Variants in WASF3 observed in about 807,000 individuals in gnomAD.
WASF3 encodes the protein actin-binding protein WASF3.
In WASF3, 11 loss-of-function variants were observed where a neutral mutation model predicts 46.6. That is an observed-to-expected ratio of 0.24 (90% CI 0.15 to 0.39). The LOEUF is 0.39. Ranked by LOEUF, WASF3 falls within the 10% of genes least tolerant of loss-of-function variation. The pLI is 1.00. For missense variants in WASF3, 576 were observed against 669.8 expected (o/e 0.86, Z 1.55); for synonymous variants, 242 against 259.7 (o/e 0.93, Z 0.65).
chr13:26,566,428 A>G (rs1031201917), intron 1 of WASF3, among the ~76,000 whole-genome samples: 6 of 152,258 alleles, frequency 3.9e-5, no homozygotes, highest in Non-Finnish European at 7.3e-5. Context: ...AAATGAATAC[A>G]TCAAAACCTG....
chr13:26,633,223 G>T (rs1350885554), intron 2 of WASF3, among the ~76,000 whole-genome samples: 17 of 20,502 alleles, frequency 8.3e-4, no homozygotes, highest in African/African-American at 2.2e-3. Context: ...TTTTCTTGAG[G>T]CAGAGTTTTG....
chr13:26,672,897 G>A (rs577624616), intron 6 of WASF3, among the ~76,000 whole-genome samples: 2 of 152,312 alleles, frequency 1.3e-5, no homozygotes, highest in African/African-American at 4.8e-5. Context: ...AGACTGTGCT[G>A]TTGTAAGACA....
In WASF3 at chr13:26,670,417, G is replaced by A. The variant is rs547123467; in HGVS notation, c.423-1455G>A. 5.3e-5 allele frequency among the ~76,000 whole-genome samples: 8 copies of A among 151,890 alleles called. No individual in the cohort carries two copies. In the South Asian group the frequency reaches 1.3e-3, roughly 24 times the overall value. ...ATGTAGATGACAGGTTGATGGGTGCGGCAAACCACCATGGCACATATACCT... is the reference window on the plus strand; with the variant it reads ...ATGTAGATGACAGGTTGATGGGTGCAGCAAACCACCATGGCACATATACCT... On this transcript the variant is annotated intron_variant, in intron 5 of 9. Transcript: ENST00000335327.
At chr13:26,563,522 G>A (rs997380329) in intron 1 of WASF3, among the ~76,000 whole-genome samples, 18 of 151,990 alleles carry the variant, frequency 1.2e-4, no homozygotes, top group African/African-American at 3.9e-4. Flanking sequence ...AGTTGTAGTG[G>A]CACACACCTG....
chr13:26,633,401 T>A (rs1881719356), intron 2 of WASF3, among the ~76,000 whole-genome samples: 1 of 151,982 alleles, frequency 6.6e-6, no homozygotes, highest in South Asian at 2.1e-4. Flanking sequence ...GTGGGGTTTC[T>A]CCATGTTGGT....
At chr13:26,563,732 T>G (rs984557638) in intron 1 of WASF3, among the ~76,000 whole-genome samples, 1 of 150,442 alleles carries the variant, frequency 6.6e-6, no homozygotes, top group East Asian at 1.9e-4. Flanking sequence ...CCAAAGATGC[T>G]TCTGTTTCTT....
intron 1 of WASF3, among the ~76,000 whole-genome samples, chr13:26,567,532 G>T (rs1422707848): frequency 6.6e-6 from 1 of 152,150 alleles, no homozygotes; most frequent in African/African-American, 2.4e-5. Context: ...AGGCAGAGCT[G>T]ATATAGGGGT....
At chr13:26,550,891 G>C in the WASF3 span, among the ~76,000 whole-genome samples, 11 of 152,260 alleles carry the variant, frequency 7.2e-5, no homozygotes, top group African/African-American at 2.6e-4. Flanking sequence ...ATTGTCACTG[G>C]GGACACCTTC....
Position 26,667,537 on chromosome 13 carries a change from A to G in WASF3, c.289A>G (p.Met97Val), listed in dbSNP as rs779228823. 2 of 1,613,984 alleles carry G rather than the reference A, an allele frequency of 1.2e-6. No individual in the cohort carries two copies. Among genetic ancestry groups the G allele is most frequent in the African/African-American group, 1.3e-5 (1 of 74,924 alleles). Residue 97 changes from methionine to valine, a missense_variant, in exon 5 of 10, where the codon ATG becomes GTG. Physicochemically the swap from Met to Val is conservative, Grantham distance 21. Coordinates refer to ENST00000335327, the MANE Select transcript of WASF3 (RefSeq NM_006646.6). ...VEEVSLQDIN[M>V]KKAFKSSTVQ... ...AATAGTCTCACTACAGGATATCAAC[A>G]TGAAAAAAGCTTTCAAAAGTTCCAC...
chr13:26,591,483 G>C (rs1880292166), intron 1 of WASF3, among the ~76,000 whole-genome samples: 1 of 152,086 alleles, frequency 6.6e-6, no homozygotes, highest in Admixed American at 6.5e-5. Context: ...TGGTGGATCT[G>C]ACAGTGAGGG....
intron 1 of WASF3, among the ~76,000 whole-genome samples, chr13:26,581,119 A>ATGGCCC (rs1879967760): frequency 6.6e-6 from 1 of 151,718 alleles, no homozygotes. Flanking sequence ...TTTAGAAGAG[A>ATGGCCC]TGGGGTTTTG....
chr13:26,567,141 A>G (rs1407833477), intron 1 of WASF3, among the ~76,000 whole-genome samples: 1 of 152,220 alleles, frequency 6.6e-6, no homozygotes, highest in African/African-American at 2.4e-5. Flanking sequence ...TCTGTGGAGG[A>G]TCAAACTGAC....
upstream of WASF3, among the ~76,000 whole-genome samples, chr13:26,554,447 G>A (rs553731294): frequency 6.6e-5 from 10 of 151,998 alleles, no homozygotes; most frequent in South Asian, 2.1e-4. Flanking sequence ...CTTCTTAAAA[G>A]GTACAATGAT....
At chr13:26,616,640 A>G (rs1881142489) in intron 2 of WASF3, among the ~76,000 whole-genome samples, 1 of 152,152 alleles carries the variant, frequency 6.6e-6, no homozygotes, top group African/African-American at 2.4e-5. Context: ...AACTCCCATA[A>G]AAGTAGTTAC....
intron 1 of WASF3, among the ~76,000 whole-genome samples, chr13:26,579,009 T>TTTTTTTTTTTTTTG (rs1879892115): frequency 8.6e-6 from 1 of 116,368 alleles, no homozygotes; most frequent in Non-Finnish European, 1.9e-5. Flanking sequence ...TTTTTTTTTT[T>TTTTTTTTTTTTTTG]TTTTTTTGTG....
At chr13:26,664,469 ACG>A (rs1882715887) in intron 3 of WASF3, among the ~76,000 whole-genome samples, 1 of 152,244 alleles carries the variant, frequency 6.6e-6, no homozygotes, top group Non-Finnish European at 1.5e-5. Context: ...GAAATGAGCC[ACG>A]CAGAAAAATT....
In WASF3 at chr13:26,572,844, C is replaced by T. The variant is rs372430134; in HGVS notation, c.-109+15025C>T. Among the ~76,000 whole-genome samples, 442 of 152,204 alleles carry T rather than the reference C, an allele frequency of 2.9e-3. 1 individual carries two copies. Among genetic ancestry groups the T allele is most frequent in the African/African-American group, 0.01 (417 of 41,530 alleles). On this transcript the variant is annotated intron_variant, in intron 1 of 9. Transcript: ENST00000335327. The stretch of plus-strand genomic sequence containing the variant: ...CTGGGATTACAGGCGGGAGCCACCG[C>T]GCCTGGCCTGGTATAAACTCTTAAT...
At chr13:26,667,457 AC>A (rs1882805871) in intron 4 of WASF3, 59 bp from the exon 5 acceptor site, 1 of 1,448,484 alleles carries the variant, frequency 6.9e-7, no homozygotes, top group Non-Finnish European at 9.3e-7. Context: ...AATGGTATTT[AC>A]TTCTAAACAG....
chr13:26,628,149 G>A (rs1881530262), intron 2 of WASF3, among the ~76,000 whole-genome samples: 2 of 152,120 alleles, frequency 1.3e-5, no homozygotes, highest in Admixed American at 1.3e-4. Flanking sequence ...TCCCGTAAAA[G>A]TTGGGTAGAA....
Sources: allele counts gnomAD v4.1 joint callset (sites outside exome capture counted in the v4.1 genomes callset), GRCh38; gene constraint gnomAD v4.1.1; transcripts MANE v1.5; gene names NCBI Gene and HGNC (gene_info 2026-07-23, HGNC 2026-07-21).